Variants in ELP2 observed in about 807,000 individuals in gnomAD.
The protein encoded by ELP2 is elongator complex protein 2.
A neutral mutation model predicts 119.2 loss-of-function variants in ELP2; 90 were observed. The ratio of observed to expected loss-of-function variants is 0.75; its 90% CI spans 0.64 to 0.90. The LOEUF is 0.90. Ranked by LOEUF, ELP2 falls within the 40% of genes least tolerant of loss-of-function variation. The probability of loss-of-function intolerance (pLI) is 0.00; values close to 1 mark genes in which losing one functional copy is unlikely to be tolerated. For synonymous variants in ELP2, 339 were observed against 331.0 expected (o/e 1.02, Z -0.26); for missense variants, 921 against 967.8 (o/e 0.95, Z 0.64).
rs73428967 is a variant in ELP2 at position 36,164,502 on chromosome 18, A to T, written c.1789A>T (p.Ile597Phe). 1 of 1,614,104 alleles carries T rather than the reference A, an allele frequency of 6.2e-7. No individual in the cohort carries two copies. The highest frequency in any genetic ancestry group is 1.1e-5 in the South Asian group (1 of 91,074). The change falls in exon 18 of 22, where the codon ATT becomes TTT. Residue 597 changes from isoleucine (I) to phenylalanine (F), a missense_variant. By Grantham distance (21) the Ile-to-Phe change is conservative. Transcript: ENST00000358232. Reference sequence around the variant, plus strand: ...AGCTAAGAAAGAGCATGCAGCTATCATTCTTTGGAACACTACATCTTGGAA... The same window carrying T: ...AGCTAAGAAAGAGCATGCAGCTATCTTTCTTTGGAACACTACATCTTGGAA... ...KAAKKEHAAI[I>F]LWNTTSWKQV... is the part of the protein sequence containing the mutation.
intron 19 of ELP2, among the ~76,000 whole-genome samples, chr18:36,169,364 G>A (rs950377685): frequency 2.0e-5 from 3 of 150,410 alleles, no homozygotes; most frequent in Non-Finnish European, 4.4e-5. Flanking sequence ...CAGTGTAGAG[G>A]AAGAGCTAGA....
Position 36,136,178 on chromosome 18 carries a change from G to A in ELP2, c.218-129G>A, listed in dbSNP as rs999659208. On this transcript the variant is annotated intron_variant, in intron 2 of 21. Transcript: ENST00000358232. ...AAGAGTGAGATATTAAGCAAATATG[G>A]CAAAATGTTACCAGTTTGTGAATCT... 7.1e-6 allele frequency: 5 copies of A among 700,282 alleles called. No individual in the cohort carries two copies. In the African/African-American group the frequency reaches 9.0e-5, roughly 13 times the overall value. 43.4% of individuals were successfully genotyped at this position (700,282 alleles called of 1,614,324 possible). A position where few individuals can be genotyped will look rare whatever the true frequency, so the allele number is the denominator to read the frequency against.
intron 17 of ELP2, 51 bp from the exon 18 acceptor site, chr18:36,164,424 C>T: frequency 2.0e-6 from 3 of 1,510,944 alleles, no homozygotes; most frequent in Non-Finnish European, 2.8e-6. Flanking sequence ...AATGTTTTCT[C>T]TTCAGTTTAT....
chr18:36,130,195 G>C (rs758372182), intron 1 of ELP2, 124 bp downstream of exon 1: 4 of 1,333,118 alleles, frequency 3.0e-6, no homozygotes, highest in Non-Finnish European at 4.2e-6. Context: ...TCAGGGGAGC[G>C]GGGTTTGGGC....
At chr18:36,138,765 T>C in intron 4 of ELP2, 30 bp from the exon 5 acceptor site, 1 of 1,556,246 alleles carries the variant, frequency 6.4e-7, no homozygotes, top group Non-Finnish European at 8.9e-7. Flanking sequence ...AGGTAGTTAG[T>C]TGTTCATTGT....
chr18:36,132,124 G>A (rs2089656415), intron 1 of ELP2, among the ~76,000 whole-genome samples: 1 of 151,916 alleles, frequency 6.6e-6, no homozygotes, highest in South Asian at 2.1e-4. Context: ...TGGCCAGGCT[G>A]GTCTCCAACT....
chr18:36,163,448 A>T (rs2090802185), intron 17 of ELP2, among the ~76,000 whole-genome samples: 1 of 151,116 alleles, frequency 6.6e-6, no homozygotes, highest in African/African-American at 2.4e-5. Flanking sequence ...CAACTAGCAG[A>T]TGTTTTATGT....
chr18:36,132,020 C>G (rs527655396), intron 1 of ELP2, among the ~76,000 whole-genome samples: 46 of 140,926 alleles, frequency 3.3e-4, no homozygotes, highest in African/African-American at 1.1e-3. Context: ...AAGTGATTCT[C>G]GTGCCTCAGC....
chr18:36,146,625 G>C (rs1012186292), intron 11 of ELP2, among the ~76,000 whole-genome samples: 17 of 152,206 alleles, frequency 1.1e-4, no homozygotes, highest in Admixed American at 1.1e-3. Flanking sequence ...GAAATGTGTA[G>C]CTTTCCTGTC....
rs1011889228 is a variant in ELP2 at position 36,136,450 on chromosome 18, C to T, written c.288+73C>T. 5 of 1,245,480 alleles carry T rather than the reference C, an allele frequency of 4.0e-6. No individual in the cohort carries two copies. The African/African-American group carries it at 7.4e-5, about 18-fold the overall frequency. The allele number at this position is 1,245,480 out of a possible 1,614,324, so 77.2% of individuals were successfully genotyped here. On this transcript the variant is annotated intron_variant, in intron 3 of 21. Transcript: ENST00000358232. Reference sequence around the variant, plus strand: ...GTTTTTTAAGAGGTAGAGTTTCACTCTGTCACCCAGGCTGACGTGCAGTGG... The same window carrying T: ...GTTTTTTAAGAGGTAGAGTTTCACTTTGTCACCCAGGCTGACGTGCAGTGG...
Position 36,177,975 on chromosome 18 carries a change from G to A in ELP2, c.*3334G>A, listed in dbSNP as rs1183266216. 1 of 152,198 alleles carries A rather than the reference G, an allele frequency of 6.6e-6. No homozygotes were observed. Among genetic ancestry groups the A allele is most frequent in the Non-Finnish European group, 1.5e-5 (1 of 68,034 alleles). 9.4% of individuals were successfully genotyped at this position (152,198 alleles called of 1,614,324 possible). On this transcript the variant is annotated 3_prime_UTR_variant, in exon 22 of 22. Transcript: ENST00000358232. ...TTCTTTCAACTTTTCTGCATGCTGGGAGTTTTTTTGGTAACAACGTGTTGG... is the reference window on the plus strand; with the variant it reads ...TTCTTTCAACTTTTCTGCATGCTGGAAGTTTTTTTGGTAACAACGTGTTGG...
rs1333621075 is a variant in ELP2, at chr18:36,142,312, AGGATT to A, written c.626_630del (p.Trp209Ter). On this transcript the variant is annotated frameshift_variant, in exon 7 of 22. Coordinates refer to ENST00000358232, the MANE Select transcript of ELP2 (RefSeq NM_018255.4). LOFTEE classifies it high-confidence loss of function. ...AAAGTGCTTTCTCTCTGTGGACATG[AGGATT>A]GGATTAGAGGAGTGGAATGGGCAGC... is the stretch of plus-strand genomic sequence containing the variant. 2 of 1,614,018 alleles carry A rather than the reference AGGATT, an allele frequency of 1.2e-6. No homozygotes were observed. The highest frequency in any genetic ancestry group is 3.3e-5 in the Admixed American group (2 of 60,022).
At chr18:36,165,540 T>C (rs974174939) in intron 18 of ELP2, among the ~76,000 whole-genome samples, 3 of 152,256 alleles carry the variant, frequency 2.0e-5, no homozygotes, top group Non-Finnish European at 4.4e-5. Flanking sequence ...CAGACTGTTT[T>C]CTTTTGCATC....
chr18:36,174,589 G>A lies in ELP2; in HGVS notation c.2429G>A (p.Cys810Tyr). 6.2e-7 allele frequency: 1 copy of A among 1,614,208 alleles called. No homozygotes were observed. Among genetic ancestry groups the A allele is most frequent in the Non-Finnish European group, 8.5e-7 (1 of 1,180,022 alleles). Reference protein sequence around the residue: ...EGAEWLHFASCGEDHTVKIHR... With the variant: ...EGAEWLHFASYGEDHTVKIHR... ...GCTGAGTGGTTACACTTTGCAAGCT[G>A]TGGTGAAGATCACACTGTGAAGATA... The change falls in exon 22 of 22, where the codon TGT (cysteine) becomes TAT (tyrosine). Residue 810 changes from cysteine (C) to tyrosine (Y), a missense_variant. Physicochemically the swap from Cys to Tyr is radical, Grantham distance 194 (BLOSUM62 -2). Coordinates refer to ENST00000358232, the MANE Select transcript of ELP2 (RefSeq NM_018255.4).
At position 36,135,372 on chromosome 18, in the gene ELP2, A is replaced by G. The variant is rs1598736615; in HGVS notation, c.218-935A>G. Among the ~76,000 whole-genome samples the G allele has an allele frequency of 2.6e-5, 4 of 152,248 alleles. No homozygotes were observed. The East Asian group carries it at 7.7e-4, about 29-fold the overall frequency. On this transcript the variant is annotated intron_variant, in intron 2 of 21. Coordinates refer to ENST00000358232, the MANE Select transcript of ELP2 (RefSeq NM_018255.4). ...CTGAATTTTAACATTACTTTTATGT[A>G]TAGACATTCTTAAAATCATATAGTT...
At position 36,173,070 on chromosome 18, in the gene ELP2, A is replaced by G. The variant is rs1275843603; in HGVS notation, c.2325-1415A>G. ...TGTTAATATTCTGGATTTAAAGGACATTACCAAAAAAAGAAACCCACTATC... is the reference window on the plus strand; with the variant it reads ...TGTTAATATTCTGGATTTAAAGGACGTTACCAAAAAAAGAAACCCACTATC... On this transcript the variant is annotated intron_variant, in intron 21 of 21. Transcript: ENST00000358232. Among the ~76,000 whole-genome samples the G allele has an allele frequency of 2.0e-5, 3 of 152,334 alleles. No homozygotes were observed. In the East Asian group the frequency reaches 5.8e-4, roughly 29 times the overall value.
At chr18:36,168,407 AT>A (rs2090968589) in intron 19 of ELP2, among the ~76,000 whole-genome samples, 1 of 152,176 alleles carries the variant, frequency 6.6e-6, no homozygotes, top group African/African-American at 2.4e-5. Flanking sequence ...AGACTGGGTA[AT>A]TTATAAAGGA....
At chr18:36,136,187 T>TA in intron 2 of ELP2, 120 bp from the exon 3 acceptor site, 1 of 733,240 alleles carries the variant, frequency 1.4e-6, no homozygotes, top group African/African-American at 1.8e-5. Flanking sequence ...GGCAAAATGT[T>TA]ACCAGTTTGT....
At chr18:36,132,469 C>A (rs1175387434) in intron 1 of ELP2, among the ~76,000 whole-genome samples, 1 of 152,174 alleles carries the variant, frequency 6.6e-6, no homozygotes, top group Non-Finnish European at 1.5e-5. Flanking sequence ...TTTTCTTAGC[C>A]ATGAGAATTC....
Sources: gnomAD v4.1 joint callset for allele counts (sites outside exome capture counted in the v4.1 genomes callset) on GRCh38, gnomAD v4.1.1 for gene constraint, MANE v1.5 for transcripts, NCBI Gene and HGNC (gene_info 2026-07-23, HGNC 2026-07-21) for gene names.